The following ATP7B variants were observed in gnomAD, a reference collection of about 807,000 sequenced individuals.
The protein encoded by ATP7B is copper-transporting ATPase 2.
A neutral mutation model predicts 118.9 loss-of-function variants in ATP7B; 113 were observed. That is an observed-to-expected ratio of 0.95 (90% CI 0.82 to 1.11). The LOEUF (loss-of-function observed/expected upper bound fraction) is 1.11. Ranked by LOEUF, ATP7B falls within the 50% of genes most tolerant of loss-of-function variation. ATP7B has a pLI of 0.00. For synonymous variants in ATP7B, 777 were observed against 727.4 expected, an observed-to-expected ratio of 1.07 and a Z score of -1.10; for missense variants, 1,867 against 1,871.4, an observed-to-expected ratio of 1.00 and a Z score of 0.04.
rs757595812 is a variant in ATP7B at position 51,950,018 on chromosome 13, G to A, written c.2719C>T (p.Gln907Ter). ...AATTTCTTCATTACCTTTGACATCT[G>A]AGCCTCTTCCACCAGTTTCACAATC... is the stretch of plus-strand genomic sequence containing the variant. ...AQIVKLVEEA[Q>*]MSKAPIQQLA... is the part of the protein sequence containing the mutation. The change falls in exon 11 of 21, where the codon CAG (glutamine) becomes TAG (stop). Residue 907 changes from glutamine to a stop codon, truncating the protein, a stop_gained. Coordinates refer to ENST00000242839, the MANE Select transcript of ATP7B (RefSeq NM_000053.4). LOFTEE classifies it high-confidence loss of function. 1 of 1,614,194 alleles carries A rather than the reference G, an allele frequency of 6.2e-7. No individual in the cohort carries two copies. Among genetic ancestry groups the A allele is most frequent in the South Asian group, 1.1e-5 (1 of 91,082 alleles).
rs753044473 is a variant in ATP7B at position 51,937,487 on chromosome 13, C to T, written c.3892G>A (p.Val1298Ile). The change falls in exon 18 of 21, where the codon GTC becomes ATC. Residue 1298 changes from valine to isoleucine, a missense_variant. Coordinates refer to ENST00000242839, the MANE Select transcript of ATP7B (RefSeq NM_000053.4). Reference sequence around the variant, plus strand: ...GCAGCCACGCTCACTCTGATAAGGACGACGTCGGCTGCCTCGATGGCCACA... The same window carrying T: ...GCAGCCACGCTCACTCTGATAAGGATGACGTCGGCTGCCTCGATGGCCACA... ...TDVAIEAADV[V>I]LIRNDLLDVV... 2.2e-5 allele frequency: 35 copies of T among 1,613,960 alleles called. No homozygotes were observed. The highest frequency in any genetic ancestry group is 2.7e-5 in the Non-Finnish European group (32 of 1,180,024).
At chr13:51,996,714 A>T (rs1392897347) in intron 1 of ATP7B, among the ~76,000 whole-genome samples, 1 of 152,098 alleles carries the variant, frequency 6.6e-6, no homozygotes, top group Non-Finnish European at 1.5e-5. Context: ...TGACTGAGAG[A>T]TCTGTTCTCT....
chr13:51,944,983 A>G (rs183454579), intron 13 of ATP7B, among the ~76,000 whole-genome samples: 2 of 152,338 alleles, frequency 1.3e-5, no homozygotes, highest in East Asian at 3.9e-4. Flanking sequence ...ATTTAAGGCC[A>G]GCAGGTTGCT....
At chr13:52,005,298 T>G (rs936886046) in intron 1 of ATP7B, among the ~76,000 whole-genome samples, 1 of 152,232 alleles carries the variant, frequency 6.6e-6, no homozygotes, top group Non-Finnish European at 1.5e-5. Context: ...TCTTGCATTT[T>G]CTTATAAGCA....
chr13:51,987,273 T>TAACAGACA (rs1952701600), intron 1 of ATP7B, among the ~76,000 whole-genome samples: 1 of 150,612 alleles, frequency 6.6e-6, no homozygotes. Flanking sequence ...TATACACCAA[T>TAACAGACA]AACAGAAAGC....
chr13:51,968,056 T>G (rs1293485897), intron 4 of ATP7B, among the ~76,000 whole-genome samples: 2 of 152,212 alleles, frequency 1.3e-5, no homozygotes, highest in Non-Finnish European at 2.9e-5. Context: ...TTCCCTCTTC[T>G]GCCTTGAGAT....
At chr13:51,942,646 G>C in intron 14 of ATP7B, 92 bp from the exon 15 acceptor site, 1 of 1,508,308 alleles carries the variant, frequency 6.6e-7, no homozygotes, top group Admixed American at 1.7e-5. Flanking sequence ...ACAGGGTGAA[G>C]GTGGCAAGAG....
intron 1 of ATP7B, among the ~76,000 whole-genome samples, chr13:51,996,862 G>C (rs550921234): frequency 6.6e-6 from 1 of 152,176 alleles, no homozygotes; most frequent in Non-Finnish European, 1.5e-5. Flanking sequence ...CCTCCAAAAT[G>C]TGTCTGGGTT....
At position 51,950,362 on chromosome 13, in the gene ATP7B, C is replaced by T. The variant is rs181388674; in HGVS notation, c.2485G>A (p.Asp829Asn). ...QVPMELVQRG[D>N]IVKVVPGGKF... ...CCCCCAGGGACCACCTTGACGATAT[C>T]GCCCCGCTGCACCAGCTCCATGGGG... Residue 829 changes from aspartate to asparagine, a missense_variant, in exon 10 of 21, where the codon GAT becomes AAT. Asp to Asn is a conservative substitution (Grantham distance 23). Coordinates refer to ENST00000242839, the MANE Select transcript of ATP7B (RefSeq NM_000053.4). 5 of 1,614,160 alleles carry T rather than the reference C, an allele frequency of 3.1e-6. No homozygotes were observed. Among genetic ancestry groups the T allele is most frequent in the East Asian group, 2.2e-5 (1 of 44,880 alleles).
chr13:52,011,577 T>A (rs1173340916), upstream of ATP7B: 5 of 617,178 alleles, frequency 8.1e-6, no homozygotes, highest in Non-Finnish European at 1.5e-5. Context: ...CCTCCCGACC[T>A]GGGGGCACGG....
chr13:51,963,941 A>G (rs1958924130), intron 5 of ATP7B, among the ~76,000 whole-genome samples: 1 of 151,136 alleles, frequency 6.6e-6, no homozygotes, highest in African/African-American at 2.4e-5. Context: ...AGTCCCAGCT[A>G]CTGGGGAGAC....
intron 14 of ATP7B, 78 bp downstream of exon 14, chr13:51,944,031 G>A: frequency 6.3e-7 from 1 of 1,578,048 alleles, no homozygotes; most frequent in East Asian, 2.2e-5. Flanking sequence ...CTCCTCGAGG[G>A]CAGCTAGGAG....
intron 9 of ATP7B, among the ~76,000 whole-genome samples, chr13:51,951,142 C>T (rs1300456877): frequency 6.6e-6 from 1 of 151,930 alleles, no homozygotes; most frequent in East Asian, 1.9e-4. Context: ...GCTGTTGCAG[C>T]AGCCCAAGCG....
At chr13:51,994,355 T>C (rs1243044244) in intron 1 of ATP7B, among the ~76,000 whole-genome samples, 2 of 152,218 alleles carry the variant, frequency 1.3e-5, no homozygotes, top group African/African-American at 4.8e-5. Context: ...CACTCGAACC[T>C]CTGTGTAGAA....
intron 1 of ATP7B, among the ~76,000 whole-genome samples, chr13:51,977,853 G>A (rs1185848390): frequency 6.6e-6 from 1 of 152,170 alleles, no homozygotes; most frequent in Non-Finnish European, 1.5e-5. Context: ...CATGGGACCA[G>A]TGTCATATGT....
At chr13:51,935,766 G>A in intron 19 of ATP7B, 71 bp from the exon 20 acceptor site, 1 of 1,413,616 alleles carries the variant, frequency 7.1e-7, no homozygotes, top group South Asian at 1.3e-5. Flanking sequence ...TCAGGCACCG[G>A]GCTGCCCCAC....
rs1178914583 is a variant in ATP7B at position 51,933,344 on chromosome 13, C to T, written c.*1412G>A. 1 of 152,168 alleles carries T rather than the reference C, an allele frequency of 6.6e-6. No individual in the cohort carries two copies. Among genetic ancestry groups the T allele is most frequent in the Non-Finnish European group, 1.5e-5 (1 of 68,038 alleles). 9.4% of individuals were successfully genotyped at this position (152,168 alleles called of 1,614,324 possible). On this transcript the variant is annotated 3_prime_UTR_variant, in exon 21 of 21. Coordinates refer to ENST00000242839, the MANE Select transcript of ATP7B (RefSeq NM_000053.4). ...TGTAAAATGTGGACAGTAATAGCTA[C>T]CCTGCTGGTTGGTTGGGAGGATTAG...
Position 51,964,987 on chromosome 13 carries a change from T to C in ATP7B, c.1754A>G (p.Lys585Arg), listed in dbSNP as rs773987386. 1 of 1,614,082 alleles carries C rather than the reference T, an allele frequency of 6.2e-7. No homozygotes were observed. Among genetic ancestry groups the C allele is most frequent in the Non-Finnish European group, 8.5e-7 (1 of 1,180,020 alleles). The change falls in exon 5 of 21, where the codon AAA (lysine) becomes AGA (arginine). Residue 585 changes from lysine (K) to arginine (R), a missense_variant. Physicochemically the swap from Lys to Arg is conservative, Grantham distance 26. Coordinates refer to ENST00000242839, the MANE Select transcript of ATP7B (RefSeq NM_000053.4). ...AGTGATGCCATTTGTCCTCGTGAGT[T>C]TGGACTCTATGTTGTGGACACAGGA... ...CASCVHNIES[K>R]LTRTNGITYA...
intron 1 of ATP7B, among the ~76,000 whole-genome samples, chr13:52,002,740 A>G (rs1953570956): frequency 6.6e-6 from 1 of 152,134 alleles, no homozygotes. Context: ...GATCATCACA[A>G]TAAAGCAAAT....
Sources: allele counts gnomAD v4.1 joint callset (sites outside exome capture counted in the v4.1 genomes callset), GRCh38; gene constraint gnomAD v4.1.1; transcripts MANE v1.5; gene names NCBI Gene and HGNC (gene_info 2026-07-23, HGNC 2026-07-21).